CCDC178: variants seen among roughly 807,000 people sequenced by gnomAD.
CCDC178 encodes the protein coiled-coil domain-containing protein 178.
Under a neutral mutation model 117.4 loss-of-function variants are expected in CCDC178, and 126 were observed. The ratio of observed to expected loss-of-function variants is 1.07; its 90% CI spans 0.93 to 1.24. The LOEUF (loss-of-function observed/expected upper bound fraction) is 1.24, where lower values mean the gene tolerates loss of function less well. CCDC178 is among the 50% of genes most tolerant of loss of function. The probability of loss-of-function intolerance (pLI) is 0.00; values close to 1 mark genes in which losing one functional copy is unlikely to be tolerated. For synonymous variants in CCDC178, 283 were observed against 313.4 expected, an observed-to-expected ratio of 0.90 and a Z score of 1.02; for missense variants, 1,030 against 986.9, an observed-to-expected ratio of 1.04 and a Z score of -0.59.
chr18:33,079,159 CA>C (rs1424973532), intron 21 of CCDC178, among the ~76,000 whole-genome samples: 2 of 151,922 alleles, frequency 1.3e-5, no homozygotes, highest in Admixed American at 1.3e-4. Context: ...AAAAGCTGAC[CA>C]AAACATGCAA....
At chr18:33,314,233 A>T (rs1035096364) in intron 11 of CCDC178, among the ~76,000 whole-genome samples, 1 of 146,686 alleles carries the variant, frequency 6.8e-6, no homozygotes, top group Admixed American at 6.8e-5. Context: ...AAAAAAAAAA[A>T]GAAATTGTGC....
Position 33,224,923 on chromosome 18 carries a change from G to T in CCDC178, c.1670C>A (p.Ser557Tyr). The change falls in exon 17 of 23, where the codon TCC becomes TAC. Residue 557 changes from serine (S) to tyrosine (Y), a missense_variant. Transcript: ENST00000383096. ...CTCAAGTGCCTGGACTTCGTAAATG[G>T]AATATAGTTTTTTCTGCCAGCAAAG... is the stretch of plus-strand genomic sequence containing the variant. ...AGMVLQKKLYSIYEVQALERK... is the reference protein window; with the variant it reads ...AGMVLQKKLYYIYEVQALERK... 1 of 1,482,836 alleles carries T rather than the reference G, an allele frequency of 6.7e-7. No homozygotes were observed. Among genetic ancestry groups the T allele is most frequent in the South Asian group, 1.5e-5 (1 of 68,236 alleles). 91.9% of individuals were successfully genotyped at this position (1,482,836 alleles called of 1,614,324 possible).
At chr18:32,965,106 T>C (rs1307491748) in intron 22 of CCDC178, among the ~76,000 whole-genome samples, 3 of 151,906 alleles carry the variant, frequency 2.0e-5, no homozygotes, top group Non-Finnish European at 4.4e-5. Context: ...ACCTAACAAA[T>C]GAATTGTAAA....
intron 6 of CCDC178, among the ~76,000 whole-genome samples, chr18:33,366,116 C>T (rs2063202486): frequency 1.3e-5 from 2 of 151,978 alleles, no homozygotes; most frequent in African/African-American, 4.8e-5. Context: ...ATCTTTTACT[C>T]ATTCAGTGTA....
intron 9 of CCDC178, 97 bp downstream of exon 9, chr18:33,346,114 T>C (rs1334198312): frequency 4.5e-6 from 4 of 884,430 alleles, no homozygotes; most frequent in African/African-American, 1.7e-5. Flanking sequence ...GCATGAGCCA[T>C]GGCACTAAGA....
intron 16 of CCDC178, among the ~76,000 whole-genome samples, chr18:33,226,018 G>T (rs919876566): frequency 6.6e-6 from 1 of 152,112 alleles, no homozygotes; most frequent in African/African-American, 2.4e-5. Context: ...AAAATTAGCT[G>T]GGCATGGTGG....
intron 14 of CCDC178, among the ~76,000 whole-genome samples, chr18:33,258,713 G>T (rs2059708659): frequency 6.6e-6 from 1 of 152,110 alleles, no homozygotes; most frequent in Non-Finnish European, 1.5e-5. Context: ...TGCTTTTTAA[G>T]TCTGTTTTCT....
chr18:33,381,750 A>C (rs1180860666), intron 5 of CCDC178, among the ~76,000 whole-genome samples: 1 of 152,084 alleles, frequency 6.6e-6, no homozygotes, highest in Non-Finnish European at 1.5e-5. Flanking sequence ...CATGGTGTTC[A>C]TTTGGCACGT....
At chr18:33,365,274 G>A (rs1477942441) in intron 6 of CCDC178, among the ~76,000 whole-genome samples, 2 of 152,030 alleles carry the variant, frequency 1.3e-5, no homozygotes, top group Non-Finnish European at 2.9e-5. Context: ...TAGATATGAA[G>A]TGGTATAAAA....
intron 12 of CCDC178, among the ~76,000 whole-genome samples, chr18:33,274,275 G>A (rs932471783): frequency 2.0e-5 from 3 of 151,752 alleles, no homozygotes; most frequent in Non-Finnish European, 2.9e-5. Flanking sequence ...CTAAGAATAC[G>A]TTAGAATTGA....
At chr18:33,083,919 A>T (rs1368158258) in intron 21 of CCDC178, among the ~76,000 whole-genome samples, 1 of 152,166 alleles carries the variant, frequency 6.6e-6, no homozygotes, top group African/African-American at 2.4e-5. Context: ...TATATTTAAC[A>T]CTCTAACGCA....
chr18:32,962,024 C>G (rs1171037192), intron 22 of CCDC178, among the ~76,000 whole-genome samples: 1 of 149,186 alleles, frequency 6.7e-6, no homozygotes, highest in African/African-American at 2.5e-5. Context: ...TAATCAAACA[C>G]TTTTTAGAAT....
chr18:33,098,293 A>G (rs1046815558), intron 20 of CCDC178, among the ~76,000 whole-genome samples: 2 of 152,084 alleles, frequency 1.3e-5, no homozygotes, highest in African/African-American at 4.8e-5. Context: ...GACTAAATGC[A>G]TAGCAATGTG....
intron 5 of CCDC178, among the ~76,000 whole-genome samples, chr18:33,372,782 A>G (rs1245357993): frequency 2.6e-5 from 4 of 152,182 alleles, no homozygotes; most frequent in African/African-American, 4.8e-5. Flanking sequence ...TTACTGCTCA[A>G]TGAATTTGAT....
intron 3 of CCDC178, among the ~76,000 whole-genome samples, chr18:33,404,387 A>G (rs1386410527): frequency 2.0e-5 from 3 of 152,086 alleles, no homozygotes; most frequent in Admixed American, 6.6e-5. Context: ...AAAAAAAAAA[A>G]TAAGTGAAAT....
chr18:33,117,840 T>C (rs1183447566), intron 20 of CCDC178, among the ~76,000 whole-genome samples: 1 of 151,912 alleles, frequency 6.6e-6, no homozygotes, highest in Non-Finnish European at 1.5e-5. Flanking sequence ...TCTTGAAGAG[T>C]GATGTCTATT....
chr18:33,383,264 G>A (rs2063458283), intron 5 of CCDC178, among the ~76,000 whole-genome samples: 1 of 152,082 alleles, frequency 6.6e-6, no homozygotes. Context: ...GGTGGCTGTG[G>A]TCTCAGGTTC....
At chr18:33,325,789 G>A (rs1453407307) in intron 10 of CCDC178, among the ~76,000 whole-genome samples, 1 of 151,974 alleles carries the variant, frequency 6.6e-6, no homozygotes, top group East Asian at 1.9e-4. Flanking sequence ...ATCTTACAAC[G>A]CATCTTTTGA....
At chr18:33,065,173 TG>T (rs1204934107) in intron 21 of CCDC178, among the ~76,000 whole-genome samples, 6 of 152,202 alleles carry the variant, frequency 3.9e-5, no homozygotes, top group Admixed American at 1.3e-4. Context: ...AGATAAGTTC[TG>T]GTGTTCTATT....
Sources: gnomAD v4.1 joint callset for allele counts (sites outside exome capture counted in the v4.1 genomes callset) on GRCh38, gnomAD v4.1.1 for gene constraint, MANE v1.5 for transcripts, NCBI Gene and HGNC (gene_info 2026-07-23, HGNC 2026-07-21) for gene names.